Variants in CHD9 observed in about 807,000 individuals in gnomAD.
CHD9 encodes the protein chromodomain helicase DNA binding protein 9.
A neutral mutation model predicts 316.1 loss-of-function variants in CHD9; 77 were observed. The observed-to-expected ratio is 0.24, with a 90% CI of 0.20 to 0.29. CHD9 has a LOEUF of 0.29. CHD9 is among the 10% of genes least tolerant of loss of function. CHD9 has a pLI of 1.00. For synonymous variants in CHD9, 1,129 were observed against 1,158.3 expected (o/e 0.97, Z 0.51); for missense variants, 2,763 against 3,438.1 (o/e 0.80, Z 4.91).
intron 24 of CHD9, among the ~76,000 whole-genome samples, chr16:53,284,650 T>C (rs1353221242): frequency 6.6e-6 from 1 of 152,218 alleles, no homozygotes; most frequent in Non-Finnish European, 1.5e-5. Context: ...TTGTTACTTA[T>C]AAAATCAGTC....
At chr16:53,305,107 G>C (rs2055836428) in intron 31 of CHD9, among the ~76,000 whole-genome samples, 1 of 151,938 alleles carries the variant, frequency 6.6e-6, no homozygotes, top group South Asian at 2.1e-4. Flanking sequence ...TGTCGCCCAG[G>C]CTGGAGTGCA....
intron 2 of CHD9, among the ~76,000 whole-genome samples, chr16:53,194,054 A>G (rs1335442203): frequency 6.6e-6 from 1 of 152,144 alleles, no homozygotes; most frequent in Non-Finnish European, 1.5e-5. Context: ...CTAGATCAGT[A>G]AATTCAAAGT....
chr16:53,056,289 A>G (rs1420640597), intron 1 of CHD9, among the ~76,000 whole-genome samples: 1 of 152,214 alleles, frequency 6.6e-6, no homozygotes, highest in Non-Finnish European at 1.5e-5. Context: ...TCACTGAACC[A>G]TCCTCAGCTT....
intron 16 of CHD9, 44 bp downstream of exon 16, chr16:53,247,547 T>C: frequency 7.5e-7 from 1 of 1,340,722 alleles, no homozygotes; most frequent in Non-Finnish European, 1.0e-6. Context: ...AAGTATATGC[T>C]ATTAAGATTT....
intron 24 of CHD9, among the ~76,000 whole-genome samples, chr16:53,275,082 A>G (rs1319317006): frequency 6.6e-6 from 1 of 152,108 alleles, no homozygotes; most frequent in Non-Finnish European, 1.5e-5. Flanking sequence ...CCCAGTCTGG[A>G]GTGCAGTGGC....
rs2049523483 is a variant in CHD9 at position 53,245,667 on chromosome 16, G to A, written c.3271G>A (p.Ala1091Thr). 3 of 1,608,558 alleles carry A rather than the reference G, an allele frequency of 1.9e-6. No homozygotes were observed. Among genetic ancestry groups the A allele is most frequent in the Non-Finnish European group, 2.5e-6 (3 of 1,177,824 alleles). ...AAAAGAAGATGTGGAAAAGAAGTTG[G>A]CACCTAAAGAAGAAACCATCATTGA... ...RLKEDVEKKLAPKEETIIEVE... is the reference protein window; with the variant it reads ...RLKEDVEKKLTPKEETIIEVE... Residue 1091 changes from alanine (A) to threonine (T), a missense_variant, in exon 15 of 39, where the codon GCA becomes ACA. Physicochemically the swap from Ala to Thr is moderately conservative, Grantham distance 58. Coordinates refer to ENST00000447540, the MANE Select transcript of CHD9 (RefSeq NM_001308319.2). This position sits in a 1 kb window ranked among gnomAD's most constrained non-coding sequence, Gnocchi z 4.1.
At chr16:53,133,723 C>G (rs989409046) in intron 1 of CHD9, among the ~76,000 whole-genome samples, 1 of 152,054 alleles carries the variant, frequency 6.6e-6, no homozygotes, top group Non-Finnish European at 1.5e-5. Context: ...GGAAAAAGCC[C>G]GTGACAAGAT....
intron 1 of CHD9, among the ~76,000 whole-genome samples, chr16:53,119,764 A>C (rs1445025905): frequency 2.0e-5 from 3 of 152,146 alleles, no homozygotes; most frequent in Non-Finnish European, 4.4e-5. Flanking sequence ...CCTGGGAGGC[A>C]GAAGTTGCAG....
chr16:53,280,314 T>C (rs1201979880), intron 24 of CHD9, among the ~76,000 whole-genome samples: 3 of 152,186 alleles, frequency 2.0e-5, no homozygotes, highest in African/African-American at 7.2e-5. Context: ...AACTGTGGTA[T>C]ATATGTATAT....
At chr16:53,158,179 A>C (rs534123326) in intron 2 of CHD9, among the ~76,000 whole-genome samples, 9 of 152,340 alleles carry the variant, frequency 5.9e-5, no homozygotes, top group African/African-American at 1.9e-4. Flanking sequence ...TATTTTGAAA[A>C]GCAATTTGGT....
chr16:53,269,649 T>C (rs2052040675), intron 22 of CHD9, among the ~76,000 whole-genome samples: 1 of 152,168 alleles, frequency 6.6e-6, no homozygotes, highest in South Asian at 2.1e-4. Flanking sequence ...ATTTCACTCT[T>C]TCTTGAAACT....
At chr16:53,055,783 C>T (rs891389990) in intron 1 of CHD9, among the ~76,000 whole-genome samples, 3 of 152,268 alleles carry the variant, frequency 2.0e-5, no homozygotes, top group Admixed American at 6.5e-5. Context: ...CCATCCCCCA[C>T]CCCCCACAGT....
chr16:53,245,212 A>AT lies in CHD9; in HGVS notation c.3055-124_3055-123insT, dbSNP rs201846243. On this transcript the variant is annotated intron_variant, in intron 13 of 38. Transcript: ENST00000447540. This position sits in a 1 kb window ranked among gnomAD's most constrained non-coding sequence, Gnocchi z 4.1. ...TATATATATACACACACACACACAT[A>AT]ACATATATATATGTATATATAGTCA... is the stretch of plus-strand genomic sequence containing the variant. The AT allele has an allele frequency of 0.05, 16,664 of 335,234 alleles. 386 individuals carry two copies. The highest frequency in any genetic ancestry group is 0.11 in the South Asian group (1,643 of 15,550). 20.8% of individuals were successfully genotyped at this position (335,234 alleles called of 1,614,324 possible).
chr16:53,208,422 C>A, intron 2 of CHD9: 1 of 1,236,638 alleles, frequency 8.1e-7, no homozygotes, highest in Non-Finnish European at 1.0e-6. Context: ...GAATAACCTT[C>A]CTTATTACTG....
intron 1 of CHD9, among the ~76,000 whole-genome samples, chr16:53,087,356 G>A (rs1311760074): frequency 6.6e-6 from 1 of 152,066 alleles, no homozygotes; most frequent in East Asian, 1.9e-4. Context: ...GGGGAATCAG[G>A]GCTCTCCTCT....
At chr16:53,188,874 C>T (rs542295068) in intron 2 of CHD9, among the ~76,000 whole-genome samples, 4 of 151,968 alleles carry the variant, frequency 2.6e-5, no homozygotes, top group South Asian at 4.1e-4. Flanking sequence ...CGTGAGCTAC[C>T]GTGCCTAGCA....
chr16:53,306,090 C>A, intron 31 of CHD9, 147 bp from the exon 32 acceptor site: 1 of 469,480 alleles, frequency 2.1e-6, no homozygotes, highest in Non-Finnish European at 3.6e-6. Flanking sequence ...TTTTTATATT[C>A]TAGGTGATTT....
At chr16:53,310,895 A>C (rs1387960857) in intron 34 of CHD9, 1 of 145,954 alleles carries the variant, frequency 6.9e-6, no homozygotes, top group African/African-American at 2.5e-5. Flanking sequence ...AATAATATCA[A>C]TAGTAATTGT....
intron 2 of CHD9, among the ~76,000 whole-genome samples, chr16:53,206,587 T>C (rs1291664157): frequency 6.6e-6 from 1 of 152,228 alleles, no homozygotes; most frequent in Non-Finnish European, 1.5e-5. Flanking sequence ...GTCATTTCTC[T>C]ATCCCCCAGT....
Sources: gnomAD v4.1 joint callset for allele counts (sites outside exome capture counted in the v4.1 genomes callset) on GRCh38, gnomAD v4.1.1 for gene constraint, Gnocchi (gnomAD v3.1) non-coding constraint, MANE v1.5 for transcripts, NCBI Gene and HGNC (gene_info 2026-07-23, HGNC 2026-07-21) for gene names.